ZNF366: variants seen among roughly 807,000 people sequenced by gnomAD.
ZNF366 encodes the protein dendritic cell-specific transcript protein.
A neutral mutation model predicts 47.2 loss-of-function variants in ZNF366; 20 were observed. That is an observed-to-expected ratio of 0.42 (90% CI 0.30 to 0.62). The LOEUF is 0.62. Among genes scored for constraint, ZNF366 ranks in the 20% least tolerant of loss-of-function variants. The pLI is 0.16. For missense variants in ZNF366, 987 were observed against 976.3 expected (o/e 1.01, Z -0.15); for synonymous variants, 421 against 395.1 (o/e 1.07, Z -0.78).
intron 1 of ZNF366, among the ~76,000 whole-genome samples, chr5:72,465,104 T>G (rs1473820263): frequency 6.6e-6 from 1 of 152,036 alleles, no homozygotes; most frequent in African/African-American, 2.4e-5. Flanking sequence ...TCCAGGGAAA[T>G]TTTTACAGAC....
At chr5:72,468,997 G>A (rs1743490107) in intron 1 of ZNF366, among the ~76,000 whole-genome samples, 1 of 152,146 alleles carries the variant, frequency 6.6e-6, no homozygotes. Flanking sequence ...AAATAAATTT[G>A]ATAAACTTAC....
intron 1 of ZNF366, among the ~76,000 whole-genome samples, chr5:72,471,440 C>A (rs375050378): frequency 4.6e-5 from 7 of 152,062 alleles, no homozygotes; most frequent in African/African-American, 1.7e-4. Context: ...TCCTTGTGTA[C>A]ATGTACAGAT....
chr5:72,460,159 C>T lies in ZNF366; in HGVS notation c.1332+6G>A, dbSNP rs1431894487. ...CCCGTCCGCCCCACCAGAGGCCCCG[C>T]AGTACCTTGTGGGTGAGGGAGTGCT... On this transcript the variant is annotated splice_donor_region_variant and intron_variant, in intron 2 of 4. Coordinates refer to ENST00000318442, the MANE Select transcript of ZNF366 (RefSeq NM_152625.3). 9.3e-6 allele frequency: 15 copies of T among 1,612,918 alleles called. 1 individual carries two copies. The highest frequency in any genetic ancestry group is 1.3e-5 in the Non-Finnish European group (15 of 1,179,362).
At chr5:72,490,857 A>G (rs1743994612) in intron 1 of ZNF366, among the ~76,000 whole-genome samples, 1 of 152,200 alleles carries the variant, frequency 6.6e-6, no homozygotes, top group Non-Finnish European at 1.5e-5. Flanking sequence ...AGTTGCTGTA[A>G]GTAACATAGT....
chr5:72,486,388 C>G (rs1216911674), intron 1 of ZNF366, among the ~76,000 whole-genome samples: 1 of 152,168 alleles, frequency 6.6e-6, no homozygotes, highest in Admixed American at 6.5e-5. Flanking sequence ...ATTGGCTGCC[C>G]AATCTTACAG....
Position 72,507,392 on chromosome 5 carries a change from C to T in ZNF366, c.-156G>A, listed in dbSNP as rs747004201. ...TAAAGAACTCGCAGGGACAGTGTTT[C>T]GAATGACTTAAGAAAGAGAACAGGA... On this transcript the variant is annotated 5_prime_UTR_variant, in exon 1 of 5. Coordinates refer to ENST00000318442, the MANE Select transcript of ZNF366 (RefSeq NM_152625.3). 85 of 985,118 alleles carry T rather than the reference C, an allele frequency of 8.6e-5. No homozygotes were observed. The highest frequency in any genetic ancestry group is 9.4e-5 in the Non-Finnish European group (78 of 829,956). The allele number at this position is 985,118 out of a possible 1,614,324, so 61.0% of individuals were successfully genotyped here.
intron 1 of ZNF366, among the ~76,000 whole-genome samples, chr5:72,476,228 AAGT>A (rs1743672844): frequency 1.3e-5 from 2 of 152,050 alleles, no homozygotes; most frequent in South Asian, 4.2e-4. Context: ...ATCACTTTGG[AAGT>A]TTTAAACATA....
intron 1 of ZNF366, among the ~76,000 whole-genome samples, chr5:72,485,870 G>A (rs746312387): frequency 1.3e-5 from 2 of 152,046 alleles, no homozygotes; most frequent in East Asian, 3.9e-4. Flanking sequence ...CACACACCAG[G>A]CATTCTCCTA....
chr5:72,461,227 G>A lies in ZNF366; in HGVS notation c.270C>T (p.His90=), dbSNP rs148388764. The A allele has an allele frequency of 2.5e-6, 4 of 1,614,166 alleles. No homozygotes were observed. The highest frequency in any genetic ancestry group is 4.5e-5 in the East Asian group (2 of 44,866). ...GGGCGAGGGTGACTTCTTCTGCAGG[G>A]TGGTTATAGGGCATCTTTGTGGGCA... ...KSMPTKMPYN[H]PAEEVTLALH... Residue 90 remains histidine (H), a synonymous_variant, in exon 2 of 5, where the codon CAC becomes CAT. Coordinates refer to ENST00000318442, the MANE Select transcript of ZNF366 (RefSeq NM_152625.3).
intron 1 of ZNF366, among the ~76,000 whole-genome samples, chr5:72,499,479 C>CTTTTTT (rs894702691): frequency 6.2e-5 from 7 of 112,180 alleles, no homozygotes; most frequent in African/African-American, 1.1e-4. Context: ...GGAATCCTGC[C>CTTTTTT]TTTTTTTTTT....
intron 1 of ZNF366, among the ~76,000 whole-genome samples, chr5:72,506,519 A>G (rs972883623): frequency 6.6e-6 from 1 of 152,222 alleles, no homozygotes; most frequent in African/African-American, 2.4e-5. Flanking sequence ...TCCTACTGAC[A>G]TAAATGATCC....
At chr5:72,490,513 A>C (rs574066148) in intron 1 of ZNF366, among the ~76,000 whole-genome samples, 38 of 152,308 alleles carry the variant, frequency 2.5e-4, no homozygotes, top group African/African-American at 8.9e-4. Flanking sequence ...GAAAGATGGC[A>C]AGGTACCAAG....
chr5:72,490,343 T>C (rs1743979861), intron 1 of ZNF366, among the ~76,000 whole-genome samples: 2 of 152,110 alleles, frequency 1.3e-5, no homozygotes, highest in East Asian at 1.9e-4. Context: ...TAAATCATAA[T>C]TGATCAATTT....
intron 3 of ZNF366, among the ~76,000 whole-genome samples, chr5:72,452,181 G>A (rs913007044): frequency 1.3e-5 from 2 of 152,188 alleles, no homozygotes; most frequent in Admixed American, 6.5e-5. Context: ...AATGGCCTCC[G>A]TGAAACTGCC....
intron 1 of ZNF366, among the ~76,000 whole-genome samples, chr5:72,490,188 G>A (rs1257664932): frequency 6.6e-6 from 1 of 152,112 alleles, no homozygotes; most frequent in Non-Finnish European, 1.5e-5. Context: ...TGCTGCTTTG[G>A]CCAAATCACT....
chr5:72,486,558 C>T (rs188532398), intron 1 of ZNF366, among the ~76,000 whole-genome samples: 21 of 152,306 alleles, frequency 1.4e-4, no homozygotes, highest in Admixed American at 1.2e-3. Context: ...TGGGCTATTT[C>T]TAAAAGTGAG....
rs1416111792 is a variant in ZNF366, at chr5:72,443,519, A to G, written c.*237T>C. The G allele has an allele frequency of 4.2e-6, 2 of 473,036 alleles. No homozygotes were observed. Among genetic ancestry groups the G allele is most frequent in the Non-Finnish European group, 3.7e-6 (1 of 268,252 alleles). The allele number at this position is 473,036 out of a possible 1,614,324, so 29.3% of individuals were successfully genotyped here. A position where few individuals can be genotyped will look rare whatever the true frequency, so the allele number is the denominator to read the frequency against. ...TCTGGAAGAATACTCACAGTTTATT[A>G]TACTGGCAATGCATAAAACGCCACT... On this transcript the variant is annotated 3_prime_UTR_variant, in exon 5 of 5. Transcript: ENST00000318442.
chr5:72,474,632 T>C, intron 1 of ZNF366, among the ~76,000 whole-genome samples: 1 of 151,956 alleles, frequency 6.6e-6, no homozygotes, highest in East Asian at 1.9e-4. Flanking sequence ...TCTTTTTCTT[T>C]GTCTCAAATG....
intron 1 of ZNF366, among the ~76,000 whole-genome samples, chr5:72,463,313 T>C (rs1743366487): frequency 6.6e-6 from 1 of 152,192 alleles, no homozygotes; most frequent in Admixed American, 6.5e-5. Flanking sequence ...CTAGTCTATA[T>C]ACAGACAATC....
Sources: gnomAD v4.1 joint callset for allele counts (sites outside exome capture counted in the v4.1 genomes callset) on GRCh38, gnomAD v4.1.1 for gene constraint, MANE v1.5 for transcripts, NCBI Gene and HGNC (gene_info 2026-07-23, HGNC 2026-07-21) for gene names.